NBEA: variants seen among roughly 807,000 people sequenced by gnomAD.
The protein encoded by NBEA is lysosomal-trafficking regulator 2.
In NBEA, 44 loss-of-function variants were observed where a neutral mutation model predicts 343.4. The observed-to-expected ratio is 0.13, with a 90% CI of 0.10 to 0.16. The LOEUF (loss-of-function observed/expected upper bound fraction) is 0.16. NBEA is among the 10% of genes least tolerant of loss of function. The pLI, the probability that NBEA is intolerant of heterozygous loss-of-function variation, is 1.00. For synonymous variants in NBEA, 1,175 were observed against 1,238.7 expected, an observed-to-expected ratio of 0.95 and a Z score of 1.08; for missense variants, 2,555 against 3,631.3, an observed-to-expected ratio of 0.70 and a Z score of 7.62.
intron 24 of NBEA, chr13:35,164,996 T>C (rs2069877549): frequency 2.1e-6 from 1 of 477,522 alleles, no homozygotes; most frequent in Non-Finnish European, 4.2e-6. Context: ...ATTTTAGTTG[T>C]CATTAAAAAC....
chr13:35,484,553 T>C (rs1446112871), intron 41 of NBEA, among the ~76,000 whole-genome samples: 1 of 151,852 alleles, frequency 6.6e-6, no homozygotes, highest in African/African-American at 2.4e-5. Context: ...GACCTTGTGG[T>C]GATCAGTATT....
chr13:35,493,276 A>G (rs1428982139), intron 41 of NBEA, among the ~76,000 whole-genome samples: 3 of 151,980 alleles, frequency 2.0e-5, no homozygotes, highest in Non-Finnish European at 4.4e-5. Context: ...AGATAACTTG[A>G]TGAAATCCTT....
rs146484136 is a variant in NBEA at position 35,285,043 on chromosome 13, A to G, written c.5777-5346A>G. ...GCAAATGAAGCATATTGGACATGCAAAATTCCTTTCCACGTCTATAGTTAT... is the reference window on the plus strand; with the variant it reads ...GCAAATGAAGCATATTGGACATGCAGAATTCCTTTCCACGTCTATAGTTAT... On this transcript the variant is annotated intron_variant, in intron 34 of 58. Transcript: ENST00000379939. 3.4e-3 allele frequency among the ~76,000 whole-genome samples: 519 copies of G among 152,272 alleles called. 2 individuals carry two copies. Among genetic ancestry groups the G allele is most frequent in the Middle Eastern group, 0.01 (3 of 294 alleles).
At chr13:35,664,616 G>A (rs940626651) in intron 55 of NBEA, among the ~76,000 whole-genome samples, 2 of 152,216 alleles carry the variant, frequency 1.3e-5, no homozygotes, top group Non-Finnish European at 2.9e-5. Flanking sequence ...CACTAATAAA[G>A]TGAAGTAGGT....
intron 49 of NBEA, among the ~76,000 whole-genome samples, chr13:35,641,626 G>A (rs1169654083): frequency 1.3e-5 from 2 of 152,066 alleles, no homozygotes; most frequent in African/African-American, 4.8e-5. Flanking sequence ...AAAAATAATT[G>A]ATGATAAACA....
At chr13:35,516,509 C>G (rs2077492709) in intron 41 of NBEA, among the ~76,000 whole-genome samples, 1 of 152,022 alleles carries the variant, frequency 6.6e-6, no homozygotes, top group Admixed American at 6.5e-5. Context: ...ATTTGAGGAG[C>G]AGAAAATTAA....
chr13:35,270,738 G>A (rs2152804148), intron 34 of NBEA, among the ~76,000 whole-genome samples: 1 of 152,344 alleles, frequency 6.6e-6, no homozygotes. Flanking sequence ...GCACAGCAGT[G>A]TGAGATTGAC....
chr13:35,576,536 G>T (rs1430057424), intron 45 of NBEA, among the ~76,000 whole-genome samples: 1 of 151,928 alleles, frequency 6.6e-6, no homozygotes, highest in African/African-American at 2.4e-5. Flanking sequence ...ATATTTCTGG[G>T]TCATATAATT....
At chr13:35,559,406 A>C (rs1428489282) in intron 44 of NBEA, among the ~76,000 whole-genome samples, 1 of 152,158 alleles carries the variant, frequency 6.6e-6, no homozygotes, top group Non-Finnish European at 1.5e-5. Flanking sequence ...TTGTTCAGGA[A>C]GTATTTATTT....
intron 40 of NBEA, among the ~76,000 whole-genome samples, chr13:35,458,148 G>A (rs916577756): frequency 2.6e-5 from 4 of 152,266 alleles, no homozygotes; most frequent in Admixed American, 6.5e-5. Context: ...ACTATTTACC[G>A]AAGAGGCTGC....
At chr13:35,466,335 T>A (rs1684214463) in intron 40 of NBEA, among the ~76,000 whole-genome samples, 1 of 152,346 alleles carries the variant, frequency 6.6e-6, no homozygotes, top group African/African-American at 2.4e-5. Flanking sequence ...ATAGAATATT[T>A]ATAATGGATA....
intron 35 of NBEA, among the ~76,000 whole-genome samples, chr13:35,296,987 C>T (rs2036174982): frequency 6.6e-6 from 1 of 151,702 alleles, no homozygotes; most frequent in African/African-American, 2.4e-5. Flanking sequence ...ACACAGAGTC[C>T]CATGTACCCT....
At chr13:35,652,727 C>T (rs1470436208) in intron 53 of NBEA, among the ~76,000 whole-genome samples, 1 of 112,176 alleles carries the variant, frequency 8.9e-6, no homozygotes, top group Non-Finnish European at 1.7e-5. Context: ...CGGAGTCTCG[C>T]TCTGTCGCCC....
At chr13:35,367,783 G>A (rs10161642) in intron 38 of NBEA, among the ~76,000 whole-genome samples, 44,097 of 151,126 alleles carry the variant, frequency 0.29, 8,274 homozygotes, top group African/African-American at 0.54. Flanking sequence ...AGTAAAATAT[G>A]CCAAATATAA....
intron 48 of NBEA, among the ~76,000 whole-genome samples, chr13:35,619,953 C>T (rs371905300): frequency 7.2e-5 from 11 of 152,134 alleles, no homozygotes; most frequent in African/African-American, 2.4e-4. Flanking sequence ...TCGTTCATTC[C>T]GTAATTATGA....
chr13:35,477,335 AGT>A (rs1231852857), intron 41 of NBEA: 1 of 155,720 alleles, frequency 6.4e-6, no homozygotes, highest in Non-Finnish European at 1.5e-5. Flanking sequence ...ATTATTGCTG[AGT>A]GTGTGAGATG....
rs184983093 is a variant in NBEA at position 35,087,461 on chromosome 13, T to C, written c.1572-10836T>C. Among the ~76,000 whole-genome samples the C allele has an allele frequency of 2.9e-4, 44 of 152,052 alleles. No homozygotes were observed. In the East Asian group the frequency reaches 8.1e-3, roughly 28 times the overall value. Reference sequence around the variant, plus strand: ...AGGGATTACAGCTTTGGCTGAAGCATGAGCCACTATTAACATCATCATACA... The same window carrying C: ...AGGGATTACAGCTTTGGCTGAAGCACGAGCCACTATTAACATCATCATACA... On this transcript the variant is annotated intron_variant, in intron 10 of 58. Transcript: ENST00000379939.
At chr13:35,613,879 G>A (rs934947019) in intron 48 of NBEA, among the ~76,000 whole-genome samples, 4 of 152,140 alleles carry the variant, frequency 2.6e-5, no homozygotes, top group Admixed American at 2.0e-4. Flanking sequence ...GGGATTACAG[G>A]CATGAGCCAC....
At chr13:35,558,797 A>G (rs562250017) in intron 44 of NBEA, among the ~76,000 whole-genome samples, 137 of 152,336 alleles carry the variant, frequency 9.0e-4, no homozygotes, top group African/African-American at 3.2e-3. Context: ...ATTTGCATAT[A>G]AAACATTTAA....
Sources: gnomAD v4.1 joint callset for allele counts (sites outside exome capture counted in the v4.1 genomes callset) on GRCh38, gnomAD v4.1.1 for gene constraint, MANE v1.5 for transcripts, NCBI Gene and HGNC (gene_info 2026-07-23, HGNC 2026-07-21) for gene names.